OPCML: variants seen among roughly 807,000 people sequenced by gnomAD.
OPCML encodes the protein opioid binding protein/cell adhesion molecule like, also known as opioid-binding protein/cell adhesion molecule.
A neutral mutation model predicts 37.8 loss-of-function variants in OPCML; 13 were observed. The ratio of observed to expected loss-of-function variants is 0.34; its 90% CI spans 0.22 to 0.55. The LOEUF (loss-of-function observed/expected upper bound fraction) is 0.55. Among genes scored for constraint, OPCML ranks in the 20% least tolerant of loss-of-function variants. The pLI is 0.91. For missense variants in OPCML, 341 were observed against 435.6 expected (o/e 0.78, Z 1.93); for synonymous variants, 176 against 168.8 (o/e 1.04, Z -0.33).
chr11:132,551,892 A>G (rs2096382534), intron 3 of OPCML, among the ~76,000 whole-genome samples: 1 of 152,086 alleles, frequency 6.6e-6, no homozygotes, highest in African/African-American at 2.4e-5. Context: ...CCCTGTCTTG[A>G]TAAATTGGCT....
chr11:133,058,653 C>T (rs1948284726), intron 1 of OPCML, among the ~76,000 whole-genome samples: 1 of 152,204 alleles, frequency 6.6e-6, no homozygotes, highest in African/African-American at 2.4e-5. Context: ...CTGGCTAAAT[C>T]AGGTAGTGAG....
intron 3 of OPCML, among the ~76,000 whole-genome samples, chr11:132,586,839 T>C (rs2137674550): frequency 1.3e-5 from 2 of 152,292 alleles, no homozygotes; most frequent in South Asian, 4.1e-4. Context: ...TTCAGTAGTC[T>C]ACAACATTCT....
chr11:133,097,263 G>A (rs1347162704), intron 1 of OPCML, among the ~76,000 whole-genome samples: 1 of 152,176 alleles, frequency 6.6e-6, no homozygotes, highest in Non-Finnish European at 1.5e-5. Context: ...AAAATCTTAA[G>A]ATACTTGAAG....
chr11:132,998,752 C>T (rs897129694), intron 1 of OPCML, among the ~76,000 whole-genome samples: 3 of 151,944 alleles, frequency 2.0e-5, no homozygotes, highest in Non-Finnish European at 4.4e-5. Flanking sequence ...TATAAAAGGC[C>T]CAAATGAGAC....
intron 1 of OPCML, among the ~76,000 whole-genome samples, chr11:133,289,468 G>T (rs539286824): frequency 5.3e-5 from 8 of 150,700 alleles, no homozygotes; most frequent in South Asian, 2.1e-4. Flanking sequence ...AGTGGCGGGC[G>T]CCTGTAGTCC....
At chr11:132,529,351 C>T (rs1240032008) in intron 3 of OPCML, 165 bp from the exon 4 acceptor site, 1 of 357,890 alleles carries the variant, frequency 2.8e-6, no homozygotes, top group Non-Finnish European at 3.9e-6. Context: ...TATACATTTA[C>T]CTTGTATTTA....
intron 3 of OPCML, among the ~76,000 whole-genome samples, chr11:132,624,283 T>C (rs986219104): frequency 2.1e-4 from 32 of 152,194 alleles, no homozygotes; most frequent in African/African-American, 7.5e-4. Context: ...TTTGTATAGT[T>C]GGCTTCCCAC....
intron 1 of OPCML, among the ~76,000 whole-genome samples, chr11:133,064,177 G>A (rs1479355286): frequency 6.6e-6 from 1 of 152,222 alleles, no homozygotes; most frequent in Non-Finnish European, 1.5e-5. Context: ...GAGCCCAGCC[G>A]AGGGAGGGAA....
chr11:133,380,865 A>G (rs1298632142), intron 1 of OPCML, among the ~76,000 whole-genome samples: 2 of 152,336 alleles, frequency 1.3e-5, no homozygotes, highest in African/African-American at 4.8e-5. Context: ...TTTCCAGGAC[A>G]GGAGTGATGA....
intron 2 of OPCML, among the ~76,000 whole-genome samples, chr11:132,854,376 T>C (rs1941959355): frequency 6.6e-6 from 1 of 152,148 alleles, no homozygotes; most frequent in African/African-American, 2.4e-5. Context: ...TTTCATTGCT[T>C]TAGCATAATT....
chr11:132,505,265 G>A (rs571937925), intron 4 of OPCML, among the ~76,000 whole-genome samples: 44 of 152,170 alleles, frequency 2.9e-4, no homozygotes, highest in Non-Finnish European at 6.0e-4. Flanking sequence ...GGAAAATAAA[G>A]ACTAGTCACA....
intron 2 of OPCML, among the ~76,000 whole-genome samples, chr11:132,872,063 G>A (rs1942817401): frequency 6.6e-6 from 1 of 151,986 alleles, no homozygotes; most frequent in South Asian, 2.1e-4. Flanking sequence ...AACATATTAT[G>A]TTGTTTTAAA....
chr11:133,101,937 A>T (rs1469014569), intron 1 of OPCML, among the ~76,000 whole-genome samples: 2 of 152,198 alleles, frequency 1.3e-5, no homozygotes, highest in African/African-American at 4.8e-5. Context: ...ACTTAAATGC[A>T]TATTGCCAAG....
chr11:132,468,727 C>T (rs536226545), intron 4 of OPCML, among the ~76,000 whole-genome samples: 39 of 152,312 alleles, frequency 2.6e-4, no homozygotes, highest in Non-Finnish European at 2.8e-4. Flanking sequence ...ACATAACGCT[C>T]TGTGAGGACT....
intron 2 of OPCML, among the ~76,000 whole-genome samples, chr11:132,832,047 T>C (rs1940719861): frequency 6.6e-6 from 1 of 151,964 alleles, no homozygotes; most frequent in South Asian, 2.1e-4. Context: ...ATTTGCTGCA[T>C]GACAACTCTG....
At chr11:132,997,996 A>G (rs1946918466) in intron 1 of OPCML, among the ~76,000 whole-genome samples, 1 of 152,048 alleles carries the variant, frequency 6.6e-6, no homozygotes, top group African/African-American at 2.4e-5. Flanking sequence ...ACCCCTAGAA[A>G]CATTCTTTCT....
chr11:133,201,845 T>C (rs1271453674), intron 1 of OPCML, among the ~76,000 whole-genome samples: 1 of 152,178 alleles, frequency 6.6e-6, no homozygotes, highest in Non-Finnish European at 1.5e-5. Flanking sequence ...CTCTCCAAAC[T>C]TATCTGCCAG....
intron 1 of OPCML, among the ~76,000 whole-genome samples, chr11:133,330,583 G>A (rs950855819): frequency 6.6e-6 from 1 of 151,570 alleles, no homozygotes; most frequent in Non-Finnish European, 1.5e-5. Flanking sequence ...AACTATTGCA[G>A]GGACAAAAAA....
intron 3 of OPCML, among the ~76,000 whole-genome samples, chr11:132,655,072 G>A (rs1401990179): frequency 1.3e-5 from 2 of 152,182 alleles, no homozygotes; most frequent in Non-Finnish European, 2.9e-5. Flanking sequence ...ATCCTTCTCT[G>A]TTGCTCAGCC....
Sources: allele counts gnomAD v4.1 joint callset (sites outside exome capture counted in the v4.1 genomes callset), GRCh38; gene constraint gnomAD v4.1.1; transcripts MANE v1.5; gene names NCBI Gene and HGNC (gene_info 2026-07-23, HGNC 2026-07-21).